The following HUWE1 variants were observed in gnomAD, a reference collection of about 807,000 sequenced individuals.
The protein encoded by HUWE1 is HECT, UBA and WWE domain containing E3 ubiquitin protein ligase 1.
HUWE1 carries 18 observed loss-of-function variants against 299.4 expected under a neutral mutation model. The ratio of observed to expected loss-of-function variants is 0.06; its 90% CI spans 0.04 to 0.09. The LOEUF (loss-of-function observed/expected upper bound fraction) is 0.09, where lower values mean the gene tolerates loss of function less well. Ranked by LOEUF, HUWE1 falls within the 10% of genes least tolerant of loss-of-function variation. The probability of loss-of-function intolerance (pLI) is 1.00; values close to 1 mark genes in which losing one functional copy is unlikely to be tolerated. For synonymous variants in HUWE1, 1,317 were observed against 1,286.1 expected (o/e 1.02, Z -0.51); for missense variants, 1,832 against 3,462.3 (o/e 0.53, Z 11.82).
At chrX:53,555,655 T>C (rs1382379178) in intron 60 of HUWE1, among the ~76,000 whole-genome samples, 4 of 100,713 alleles carry the variant, frequency 4.0e-5, no homozygotes, top group Non-Finnish European at 8.0e-5. Context: ...TTTTTTTTTT[T>C]TCCTGAGACA....
chrX:53,672,478 C>T (rs1405775241), intron 3 of HUWE1, among the ~76,000 whole-genome samples: 2 of 109,963 alleles, frequency 1.8e-5, no homozygotes, highest in Non-Finnish European at 3.8e-5. Context: ...AGGCTGGTCT[C>T]GAACTCCTGA....
At chrX:53,588,317 A>AT in intron 37 of HUWE1, 65 bp downstream of exon 37, 1 of 1,099,867 alleles carries the variant, frequency 9.1e-7, no homozygotes, top group Non-Finnish European at 1.2e-6. Flanking sequence ...AATGCCTCAT[A>AT]TATGTTAAGT....
chrX:53,658,618 T>TA (rs782412475), intron 3 of HUWE1, among the ~76,000 whole-genome samples: 3 of 111,413 alleles, frequency 2.7e-5, no homozygotes, highest in Non-Finnish European at 5.7e-5. Context: ...GGACAAAAGA[T>TA]AGTTTTTTCA....
chrX:53,620,802 T>C (rs2066101685), intron 19 of HUWE1, among the ~76,000 whole-genome samples: 1 of 111,694 alleles, frequency 9.0e-6, no homozygotes. Context: ...CCTCCTCATT[T>C]GATATTGGTG....
intron 25 of HUWE1, among the ~76,000 whole-genome samples, chrX:53,605,398 A>T (rs1361318405): frequency 8.9e-6 from 1 of 112,153 alleles, no homozygotes; most frequent in Non-Finnish European, 1.9e-5. Context: ...GCTTTAAATA[A>T]ATCTATCTAT....
chrX:53,593,462 C>T lies in HUWE1; in HGVS notation c.3643G>A (p.Val1215Met), dbSNP rs781807452. Reference protein sequence around the residue: ...LVEKMVNPTTVLESPHSLPAK... With the variant: ...LVEKMVNPTTMLESPHSLPAK... ...GGCAGCGAATGTGGAGATTCAAGCA[C>T]CGTGGTGGGATTCACCATCTTCTCC... The change falls in exon 32 of 84, where the codon GTG becomes ATG. Residue 1215 changes from valine to methionine, a missense_variant. By Grantham distance (21) the Val-to-Met change is conservative. Transcript: ENST00000262854. 22 of 1,209,234 alleles carry T rather than the reference C, an allele frequency of 1.8e-5. No homozygotes were observed. The highest frequency in any genetic ancestry group is 2.3e-5 in the Non-Finnish European group (21 of 894,424).
At chrX:53,627,564 T>TA (rs2066598328) in intron 16 of HUWE1, 49 bp from the exon 17 acceptor site, 22,428 of 176,168 alleles carry the variant, frequency 0.13, 225 homozygotes, top group South Asian at 0.19. Flanking sequence ...TATATATATA[T>TA]TTTTTTTTTC....
chrX:53,602,700 T>C (rs1408357833), intron 27 of HUWE1, 42 bp from the exon 28 acceptor site: 2 of 662,566 alleles, frequency 3.0e-6, no homozygotes, highest in African/African-American at 2.2e-5. Flanking sequence ...TATATATATA[T>C]ATATACTGAT....
In HUWE1 at chrX:53,553,432, G is replaced by A. The variant is rs190615496; in HGVS notation, c.8495-539C>T. 6.9e-3 allele frequency among the ~76,000 whole-genome samples: 737 copies of A among 106,173 alleles called. 7 individuals carry two copies. The highest frequency in any genetic ancestry group is 0.024 in the African/African-American group (699 of 29,234). 92.2% of individuals were successfully genotyped at this position (106,173 alleles called of 115,157 possible). A position where few individuals can be genotyped will look rare whatever the true frequency, so the allele number is the denominator to read the frequency against. ...GCTTGGATTACAGGTGTGAGCCACC[G>A]CGCCCAGCCCGGGTAAGGGATTTTT... On this transcript the variant is annotated intron_variant, in intron 61 of 83. Transcript: ENST00000262854.
Position 53,563,737 on chromosome X carries a change from G to T in HUWE1, c.7105+9C>A. ...AGGAAGAGGCTATACTCAGTTCTGG[G>T]GCTCTCACCTATAATTGTACTGTTC... On this transcript the variant is annotated intron_variant, in intron 52 of 83. Coordinates refer to ENST00000262854, the MANE Select transcript of HUWE1 (RefSeq NM_031407.7). The T allele has an allele frequency of 8.3e-7, 1 of 1,209,598 alleles. No individual in the cohort carries two copies. Among genetic ancestry groups the T allele is most frequent in the Non-Finnish European group, 1.1e-6 (1 of 894,442 alleles).
chrX:53,582,371 T>C (rs983066424), intron 42 of HUWE1, among the ~76,000 whole-genome samples: 46 of 112,513 alleles, frequency 4.1e-4, no homozygotes, highest in African/African-American at 1.4e-3. Flanking sequence ...ACAGCTCTCT[T>C]TCTCTTGATT....
At chrX:53,682,972 T>C (rs1404304692) in intron 2 of HUWE1, among the ~76,000 whole-genome samples, 16 of 111,928 alleles carry the variant, frequency 1.4e-4, no homozygotes, top group Admixed American at 1.1e-3. Flanking sequence ...TTTAGCAGCA[T>C]GCAGAGCTAA....
At chrX:53,626,216 CGTGT>C (rs58080331) in intron 17 of HUWE1, among the ~76,000 whole-genome samples, 6,535 of 94,758 alleles carry the variant, frequency 0.069, 237 homozygotes, top group African/African-American at 0.13. Context: ...CATACATACA[CGTGT>C]GTGTGTGTGT....
intron 17 of HUWE1, among the ~76,000 whole-genome samples, chrX:53,627,124 G>GA (rs2066564354): frequency 9.0e-6 from 1 of 111,328 alleles, no homozygotes; most frequent in South Asian, 3.7e-4. Flanking sequence ...AAGACAATAA[G>GA]AAATACATAA....
intron 41 of HUWE1, 33 bp downstream of exon 41, chrX:53,584,153 A>C: frequency 8.4e-7 from 1 of 1,184,152 alleles, no homozygotes; most frequent in Non-Finnish European, 1.1e-6. Context: ...ACAAAGGCAC[A>C]TTAGCTTTAG....
intron 43 of HUWE1, among the ~76,000 whole-genome samples, chrX:53,577,665 C>T (rs1462735089): frequency 9.0e-5 from 10 of 111,609 alleles, no homozygotes; most frequent in East Asian, 2.9e-4. Flanking sequence ...ATTGCAGGCG[C>T]GCGCCGCCAC....
At chrX:53,584,419 C>G in intron 40 of HUWE1, 74 bp from the exon 41 acceptor site, 2 of 870,628 alleles carry the variant, frequency 2.3e-6, no homozygotes, top group Non-Finnish European at 3.3e-6. Context: ...GGAGGGACAT[C>G]TCCCAGGTAA....
At position 53,604,573 on chromosome X, in the gene HUWE1, C is replaced by T; in HGVS notation, c.2742+16G>A. 1 of 1,209,505 alleles carries T rather than the reference C, an allele frequency of 8.3e-7. No individual in the cohort carries two copies. Among genetic ancestry groups the T allele is most frequent in the East Asian group, 3.0e-5 (1 of 33,837 alleles). The stretch of plus-strand genomic sequence containing the variant: ...TGCCTTTAAATTAATATGTTCACCC[C>T]TAAGGTTATTTTTACCTGTCCAACT... On this transcript the variant is annotated intron_variant, in intron 26 of 83. Coordinates refer to ENST00000262854, the MANE Select transcript of HUWE1 (RefSeq NM_031407.7).
At chrX:53,571,150 G>A (rs1556950823) in intron 47 of HUWE1, among the ~76,000 whole-genome samples, 2 of 111,846 alleles carry the variant, frequency 1.8e-5, no homozygotes, top group Non-Finnish European at 3.8e-5. Flanking sequence ...CAGTGTGGAG[G>A]TGAGGATTAA....
Sources: gnomAD v4.1 joint callset for allele counts (sites outside exome capture counted in the v4.1 genomes callset) on GRCh38, gnomAD v4.1.1 for gene constraint, MANE v1.5 for transcripts, NCBI Gene and HGNC (gene_info 2026-07-23, HGNC 2026-07-21) for gene names.